Variants in ARB2A observed in about 807,000 individuals in gnomAD.
ARB2A encodes the protein ARB2 cotranscriptional regulator A.
At chr5:93,624,917 A>C in the ARB2A span, among the ~76,000 whole-genome samples, 1 of 152,204 alleles carries the variant, frequency 6.6e-6, no homozygotes, top group African/African-American at 2.4e-5. Flanking sequence ...ATTTTAATAT[A>C]TACTGAATTT....
At chr5:93,801,260 T>C in the ARB2A span, among the ~76,000 whole-genome samples, 1 of 152,164 alleles carries the variant, frequency 6.6e-6, no homozygotes, top group Non-Finnish European at 1.5e-5. Context: ...TATGGGACAC[T>C]GGATACTCTA....
the ARB2A span, among the ~76,000 whole-genome samples, chr5:93,671,551 A>T: frequency 1.3e-5 from 2 of 152,114 alleles, no homozygotes; most frequent in East Asian, 3.9e-4. Flanking sequence ...AGGATTTACA[A>T]TTCTAATTGA....
the ARB2A span, among the ~76,000 whole-genome samples, chr5:93,855,578 A>T: frequency 6.6e-6 from 1 of 151,986 alleles, no homozygotes; most frequent in Non-Finnish European, 1.5e-5. Flanking sequence ...ATTTGGCATG[A>T]TTTTGCAGTG....
chr5:93,889,624 T>C, the ARB2A span, among the ~76,000 whole-genome samples: 1 of 151,862 alleles, frequency 6.6e-6, no homozygotes, highest in Non-Finnish European at 1.5e-5. Context: ...ATATTAATAA[T>C]TTATATTGCT....
At chr5:93,727,061 C>G in the ARB2A span, among the ~76,000 whole-genome samples, 1 of 151,842 alleles carries the variant, frequency 6.6e-6, no homozygotes, top group African/African-American at 2.4e-5. Flanking sequence ...TTATGTTTTT[C>G]CTGGCATAAT....
At chr5:93,856,073 T>A in the ARB2A span, among the ~76,000 whole-genome samples, 3 of 151,986 alleles carry the variant, frequency 2.0e-5, 1 homozygote, top group South Asian at 4.2e-4. Context: ...TTGAAAAAAA[T>A]TTAGCTGAAT....
the ARB2A span, among the ~76,000 whole-genome samples, chr5:93,641,265 A>C: frequency 6.6e-6 from 1 of 151,934 alleles, no homozygotes; most frequent in African/African-American, 2.4e-5. Context: ...AAATCAAGTG[A>C]TAATTATTAT....
the ARB2A span, among the ~76,000 whole-genome samples, chr5:93,761,575 G>T: frequency 1.3e-5 from 2 of 152,186 alleles, no homozygotes; most frequent in Non-Finnish European, 2.9e-5. Context: ...GAACTGGGTG[G>T]AGCCCACCTC....
the ARB2A span, among the ~76,000 whole-genome samples, chr5:94,005,612 T>C: frequency 6.6e-6 from 1 of 152,310 alleles, no homozygotes; most frequent in South Asian, 2.1e-4. Context: ...ATAATGAGCA[T>C]CCACTGTATT....
chr5:94,099,389 T>G, the ARB2A span, among the ~76,000 whole-genome samples: 2 of 150,590 alleles, frequency 1.3e-5, no homozygotes, highest in Non-Finnish European at 3.0e-5. Context: ...CTTTGGGAGG[T>G]TGAAGTGGGT....
At chr5:93,683,306 A>G in the ARB2A span, 1 of 1,604,406 alleles carries the variant, frequency 6.2e-7, no homozygotes, top group Non-Finnish European at 8.5e-7. Context: ...CTTTCCAGAT[A>G]TACTTCAGAG....
the ARB2A span, among the ~76,000 whole-genome samples, chr5:93,764,723 C>A: frequency 6.6e-6 from 1 of 152,158 alleles, no homozygotes; most frequent in Non-Finnish European, 1.5e-5. Flanking sequence ...GATACCAAAG[C>A]CTGGCAGAGA....
the ARB2A span, among the ~76,000 whole-genome samples, chr5:94,110,158 TAC>T: frequency 6.6e-6 from 1 of 152,202 alleles, no homozygotes; most frequent in African/African-American, 2.4e-5. Context: ...ATGCTAGGAT[TAC>T]AGGCGTGAGC....
At chr5:93,875,861 C>T in the ARB2A span, among the ~76,000 whole-genome samples, 2 of 150,396 alleles carry the variant, frequency 1.3e-5, no homozygotes, top group Middle Eastern at 3.5e-3. Context: ...CTAAGGGAAG[C>T]AAAATCCGAT....
At chr5:93,991,062 C>T in the ARB2A span, among the ~76,000 whole-genome samples, 2 of 152,030 alleles carry the variant, frequency 1.3e-5, no homozygotes, top group African/African-American at 4.8e-5. Flanking sequence ...GTTGTATATG[C>T]ATAAGGTGAA....
chr5:93,889,822 A>C, the ARB2A span, among the ~76,000 whole-genome samples: 77 of 151,922 alleles, frequency 5.1e-4, no homozygotes, highest in Non-Finnish European at 9.6e-4. Context: ...GAAAAAAGTC[A>C]TAAAAACCTG....
chr5:93,940,990 A>G, the ARB2A span, among the ~76,000 whole-genome samples: 1 of 152,144 alleles, frequency 6.6e-6, no homozygotes, highest in South Asian at 2.1e-4. Flanking sequence ...AACACCAGAA[A>G]CCACAGGTAT....
chr5:93,901,308 A>T, the ARB2A span, among the ~76,000 whole-genome samples: 1 of 152,320 alleles, frequency 6.6e-6, no homozygotes, highest in South Asian at 2.1e-4. Context: ...TAGAGGAGGA[A>T]ATAAGGGAAA....
At chr5:94,092,825 C>T in the ARB2A span, among the ~76,000 whole-genome samples, 2 of 151,986 alleles carry the variant, frequency 1.3e-5, no homozygotes, top group Non-Finnish European at 2.9e-5. Flanking sequence ...CTTTTTATAC[C>T]TAATTGAAAC....
Sources: gnomAD v4.1 joint callset for allele counts (sites outside exome capture counted in the v4.1 genomes callset) on GRCh38, gnomAD v4.1.1 for gene constraint, MANE v1.5 for transcripts, NCBI Gene and HGNC (gene_info 2026-07-23, HGNC 2026-07-21) for gene names.